CHRM4: variants seen among roughly 807,000 people sequenced by gnomAD.
CHRM4 encodes the protein muscarinic acetylcholine receptor M4.
CHRM4 carries 5 observed loss-of-function variants against 26.3 expected under a neutral mutation model. The ratio of observed to expected loss-of-function variants is 0.19; its 90% confidence interval spans 0.10 to 0.40. The LOEUF (loss-of-function observed/expected upper bound fraction) is 0.40. CHRM4 is among the 10% of genes least tolerant of loss of function. CHRM4 has a pLI of 1.00. For missense variants in CHRM4, 402 were observed against 664.5 expected (o/e 0.60, Z 4.34); for synonymous variants, 290 against 285.3 (o/e 1.02, Z -0.16).
rs1170257137 is a variant in CHRM4 at position 46,385,116 on chromosome 11, G to A, written c.*2C>T. 6.2e-7 allele frequency: 1 copy of A among 1,602,562 alleles called. No homozygotes were observed. The highest frequency in any genetic ancestry group is 8.5e-7 in the Non-Finnish European group (1 of 1,171,210). On this transcript the variant is annotated 3_prime_UTR_variant, in exon 2 of 2. Transcript: ENST00000682254. The surrounding 1 kb of genome is among the most constrained non-coding windows in gnomAD (Gnocchi z 6.3). ...AGCACCTCCTAGGGCACTCCTGCCT[G>A]CCTACCTGGCAGTGCCGATGTTCCG...
intron 1 of CHRM4, among the ~76,000 whole-genome samples, chr11:46,388,288 G>A (rs1282982010): frequency 6.6e-6 from 1 of 152,242 alleles, no homozygotes. Context: ...CGCAGCCTGG[G>A]CTCTGGCTCT....
In CHRM4 at chr11:46,386,121, G is replaced by A; in HGVS notation, c.437C>T (p.Thr146Ile). The A allele has an allele frequency of 6.2e-7, 1 of 1,613,554 alleles. No homozygotes were observed. Among genetic ancestry groups the A allele is most frequent in the Non-Finnish European group, 8.5e-7 (1 of 1,179,800 alleles). The change falls in exon 2 of 2, where the codon ACC becomes ATC. Residue 146 changes from threonine (T) to isoleucine (I), a missense_variant. Thr to Ile is a moderately conservative substitution (Grantham distance 89). This residue lies in a region of CHRM4 where 48 missense variants were observed against 129.1 expected (regional missense o/e 0.37). Transcript: ENST00000682254. The surrounding 1 kb of genome is among the most constrained non-coding windows in gnomAD (Gnocchi z 5.8). ...KPLTYPARRT[T>I]KMAGLMIAAA... ...AGCAATCATGAGGCCTGCCATCTTGGTGGTGCGCCGGGCAGGGTAGGTGAG... is the reference window on the plus strand; with the variant it reads ...AGCAATCATGAGGCCTGCCATCTTGATGGTGCGCCGGGCAGGGTAGGTGAG...
chr11:46,386,666 G>T lies in CHRM4; in HGVS notation c.-29-80C>A. ...TCTGGAGGTACACTGGATTCAAGGTGACAGAGGGACATTCTCTGGCAGAAT... is the reference window on the plus strand; with the variant it reads ...TCTGGAGGTACACTGGATTCAAGGTTACAGAGGGACATTCTCTGGCAGAAT... On this transcript the variant is annotated intron_variant, in intron 1 of 1. Coordinates refer to ENST00000682254, the MANE Select transcript of CHRM4 (RefSeq NM_000741.5). The surrounding 1 kb of genome is among the most constrained non-coding windows in gnomAD (Gnocchi z 5.8). The T allele has an allele frequency of 7.4e-7, 1 of 1,344,706 alleles. No homozygotes were observed. The highest frequency in any genetic ancestry group is 1.0e-6 in the Non-Finnish European group (1 of 977,550). The allele number at this position is 1,344,706 out of a possible 1,614,324, so 83.3% of individuals were successfully genotyped here.
chr11:46,385,814 T>C lies in CHRM4; in HGVS notation c.744A>G (p.Pro248=). 1 of 1,598,660 alleles carries C rather than the reference T, an allele frequency of 6.3e-7. No individual in the cohort carries two copies. The change falls in exon 2 of 2, where the codon CCA becomes CCG. Residue 248 remains proline, a synonymous_variant. Coordinates refer to ENST00000682254, the MANE Select transcript of CHRM4 (RefSeq NM_000741.5). The surrounding 1 kb of genome is among the most constrained non-coding windows in gnomAD (Gnocchi z 6.3). ...KAKTLAFLKS[P]LMKQSVKKPP... is the part of the protein sequence containing the mutation. The stretch of plus-strand genomic sequence containing the variant: ...GCTTCTTGACGCTCTGCTTCATTAG[T>C]GGGCTCTTGAGGAAGGCCAGCGTCT...
chr11:46,385,079 G>T lies in CHRM4; in HGVS notation c.*39C>A, dbSNP rs1327471708. ...GAGCCGTGTGGTCCCCCCAGCACACGCACGCAACACCAGCACCTCCTAGGG... is the reference window on the plus strand; with the variant it reads ...GAGCCGTGTGGTCCCCCCAGCACACTCACGCAACACCAGCACCTCCTAGGG... On this transcript the variant is annotated 3_prime_UTR_variant, in exon 2 of 2. Coordinates refer to ENST00000682254, the MANE Select transcript of CHRM4 (RefSeq NM_000741.5). This position sits in a 1 kb window ranked among gnomAD's most constrained non-coding sequence, Gnocchi z 6.3. 2 of 1,537,612 alleles carry T rather than the reference G, an allele frequency of 1.3e-6. No homozygotes were observed. Among genetic ancestry groups the T allele is most frequent in the Non-Finnish European group, 1.8e-6 (2 of 1,135,552 alleles).
chr11:46,386,158 C>T lies in CHRM4; in HGVS notation c.400G>A (p.Val134Ile), dbSNP rs201519376. 7.4e-6 allele frequency: 12 copies of T among 1,613,502 alleles called. No homozygotes were observed. In the South Asian group the frequency reaches 9.9e-5, roughly 13 times the overall value. ...LIISFDRYFCVTKPLTYPARR... is the reference protein window; with the variant it reads ...LIISFDRYFCITKPLTYPARR... ...GCAGGGTAGGTGAGAGGCTTGGTGA[C>T]GCAGAAGTAGCGGTCAAAGCTGATG... is the stretch of plus-strand genomic sequence containing the variant. The change falls in exon 2 of 2, where the codon GTC (valine) becomes ATC (isoleucine). Residue 134 changes from valine to isoleucine, a missense_variant. Coordinates refer to ENST00000682254, the MANE Select transcript of CHRM4 (RefSeq NM_000741.5). The surrounding 1 kb of genome is among the most constrained non-coding windows in gnomAD (Gnocchi z 5.8).
Position 46,391,514 on chromosome 11 carries a change from G to A in CHRM4, c.-30+17C>T, listed in dbSNP as rs1479336757. ...CGCCCCGGAGGGGGTCTGGCGCCCTGTCCCAGTCGAACCCACCTCTGGGGA... is the reference window on the plus strand; with the variant it reads ...CGCCCCGGAGGGGGTCTGGCGCCCTATCCCAGTCGAACCCACCTCTGGGGA... On this transcript the variant is annotated intron_variant, in intron 1 of 1. Transcript: ENST00000682254. This position sits in a 1 kb window ranked among gnomAD's most constrained non-coding sequence, Gnocchi z 6.3. Among the ~76,000 whole-genome samples the A allele has an allele frequency of 6.6e-6, 1 of 152,008 alleles. No homozygotes were observed. Among genetic ancestry groups the A allele is most frequent in the Non-Finnish European group, 1.5e-5 (1 of 67,938 alleles).
rs1159247267 is a variant in CHRM4, at chr11:46,383,803, A to G, written c.*1315T>C. On this transcript the variant is annotated 3_prime_UTR_variant, in exon 2 of 2. Coordinates refer to ENST00000682254, the MANE Select transcript of CHRM4 (RefSeq NM_000741.5). ...AATAAACTGACTTTTTCCCCCCAAT[A>G]AAAGCTCTTCTTTTTTAATATATAA... The G allele has an allele frequency of 2.2e-6, 1 of 456,474 alleles. No homozygotes were observed. Among genetic ancestry groups the G allele is most frequent in the Non-Finnish European group, 4.1e-6 (1 of 243,188 alleles). The allele number at this position is 456,474 out of a possible 1,614,324, so 28.3% of individuals were successfully genotyped here.
At chr11:46,390,467 G>T (rs570159875) in intron 1 of CHRM4, among the ~76,000 whole-genome samples, 1 of 152,374 alleles carries the variant, frequency 6.6e-6, no homozygotes, top group East Asian at 1.9e-4. Flanking sequence ...CCATTCTCGC[G>T]GCGAGAGGGC....
rs1945392912 is a variant in CHRM4 at position 46,391,522 on chromosome 11, C to A, written c.-30+9G>T. 1.3e-5 allele frequency among the ~76,000 whole-genome samples: 2 copies of A among 152,092 alleles called. No homozygotes were observed. The highest frequency in any genetic ancestry group is 4.8e-5 in the African/African-American group (2 of 41,436). The stretch of plus-strand genomic sequence containing the variant: ...AGGGGGTCTGGCGCCCTGTCCCAGT[C>A]GAACCCACCTCTGGGGAGCCTCAGA... On this transcript the variant is annotated intron_variant, in intron 1 of 1. Transcript: ENST00000682254. This position sits in a 1 kb window ranked among gnomAD's most constrained non-coding sequence, Gnocchi z 6.3.
chr11:46,385,416 G>C lies in CHRM4; in HGVS notation c.1142C>G (p.Ala381Gly). 6.2e-7 allele frequency: 1 copy of C among 1,609,254 alleles called. No homozygotes were observed. Among genetic ancestry groups the C allele is most frequent in the Non-Finnish European group, 8.5e-7 (1 of 1,176,132 alleles). The stretch of plus-strand genomic sequence containing the variant: ...CCGCTTCTTGCGCACCTGGTTGCGA[G>C]CGATGCTGGCGAACTTGCGGGCCAC... ...ANVARKFASI[A>G]RNQVRKKRQM... Residue 381 changes from alanine (A) to glycine (G), a missense_variant, in exon 2 of 2, where the codon GCT becomes GGT. Ala to Gly is a moderately conservative substitution (Grantham distance 60). Transcript: ENST00000682254. This position sits in a 1 kb window ranked among gnomAD's most constrained non-coding sequence, Gnocchi z 6.3.
At position 46,385,707 on chromosome 11, in the gene CHRM4, G is replaced by A. The variant is rs200784550; in HGVS notation, c.851C>T (p.Pro284Leu). Residue 284 changes from proline (P) to leucine (L), a missense_variant, in exon 2 of 2, where the codon CCG (proline) becomes CTG (leucine). By Grantham distance (98) the Pro-to-Leu change is moderately conservative. This residue lies in a region of CHRM4 where 205 missense variants were observed against 244.0 expected (regional missense o/e 0.84). Transcript: ENST00000682254. The surrounding 1 kb of genome is among the most constrained non-coding windows in gnomAD (Gnocchi z 6.3). The stretch of plus-strand genomic sequence containing the variant: ...AGTGTCCTTATCAGCCACGGGGCGC[G>A]GTGGCGGTGGCAGCGCTGGCGGGGG... ...EAPPPALPPP[P>L]RPVADKDTSN... 36 of 1,562,390 alleles carry A rather than the reference G, an allele frequency of 2.3e-5. No individual in the cohort carries two copies. The highest frequency in any genetic ancestry group is 3.8e-5 in the Admixed American group (2 of 53,058).
intron 1 of CHRM4, among the ~76,000 whole-genome samples, chr11:46,390,776 G>A (rs1290218874): frequency 6.6e-6 from 1 of 152,276 alleles, no homozygotes; most frequent in Non-Finnish European, 1.5e-5. Flanking sequence ...CTCTGGGCGT[G>A]GGCACTGTGT....
intron 1 of CHRM4, among the ~76,000 whole-genome samples, chr11:46,389,884 A>T (rs902768374): frequency 6.6e-6 from 1 of 152,200 alleles, no homozygotes; most frequent in Non-Finnish European, 1.5e-5. Context: ...AGTAGACGCT[A>T]GTAGCTGTAT....
rs1945345113 is a variant in CHRM4 at position 46,386,744 on chromosome 11, T to A, written c.-29-158A>T. ...CCGCATTTGCCCATTCATTCAACAT[T>A]AATTGAGCACCTACTATGTGGCAAG... On this transcript the variant is annotated intron_variant, in intron 1 of 1. Coordinates refer to ENST00000682254, the MANE Select transcript of CHRM4 (RefSeq NM_000741.5). The surrounding 1 kb of genome is among the most constrained non-coding windows in gnomAD (Gnocchi z 5.8). The A allele has an allele frequency of 2.9e-6, 2 of 700,844 alleles. No individual in the cohort carries two copies. Among genetic ancestry groups the A allele is most frequent in the African/African-American group, 1.8e-5 (1 of 55,728 alleles). 43.4% of individuals were successfully genotyped at this position (700,844 alleles called of 1,614,324 possible).
In CHRM4 at chr11:46,384,555, G is replaced by T. The variant is rs935393837; in HGVS notation, c.*563C>A. Among the ~76,000 whole-genome samples, 2 of 152,194 alleles carry T rather than the reference G, an allele frequency of 1.3e-5. No individual in the cohort carries two copies. Among genetic ancestry groups the T allele is most frequent in the Non-Finnish European group, 2.9e-5 (2 of 68,036 alleles). On this transcript the variant is annotated 3_prime_UTR_variant, in exon 2 of 2. Coordinates refer to ENST00000682254, the MANE Select transcript of CHRM4 (RefSeq NM_000741.5). ...AGGGCAGTGCTGCTGGGGCGGGGGG[G>T]ACCTGGCCTCCATCATACCCACCCA...
intron 1 of CHRM4, among the ~76,000 whole-genome samples, chr11:46,388,573 TAGG>T (rs1945364500): frequency 6.6e-6 from 1 of 152,194 alleles, no homozygotes; most frequent in Non-Finnish European, 1.5e-5. Context: ...CCTTGGTTCG[TAGG>T]AGGAGAGGCT....
At chr11:46,389,839 C>A (rs1590684755) in intron 1 of CHRM4, among the ~76,000 whole-genome samples, 3 of 152,288 alleles carry the variant, frequency 2.0e-5, no homozygotes, top group East Asian at 3.9e-4. Flanking sequence ...AGCGCGAGTG[C>A]GAGTTCTGTT....
At position 46,385,601 on chromosome 11, in the gene CHRM4, G is replaced by A; in HGVS notation, c.957C>T (p.Thr319=). ...GGGGAGGGGCGGGCATGGCGGGCGT[G>A]GTGGCCTCTGTGGTGGACAGCTCTG... ...PATELSTTEA[T]TPAMPAPPLQ... is the part of the protein sequence containing the mutation. Residue 319 remains threonine, a synonymous_variant, in exon 2 of 2, where the codon ACC becomes ACT. Transcript: ENST00000682254. The surrounding 1 kb of genome is among the most constrained non-coding windows in gnomAD (Gnocchi z 6.3). 1 of 1,549,764 alleles carries A rather than the reference G, an allele frequency of 6.5e-7. No homozygotes were observed. The highest frequency in any genetic ancestry group is 8.7e-7 in the Non-Finnish European group (1 of 1,145,254).
Sources: allele counts gnomAD v4.1 joint callset (sites outside exome capture counted in the v4.1 genomes callset), GRCh38; gene constraint gnomAD v4.1.1; regional missense constraint gnomAD v4.1.1; non-coding constraint Gnocchi (gnomAD v3.1); transcripts MANE v1.5; gene names NCBI Gene and HGNC (gene_info 2026-07-23, HGNC 2026-07-21).